The following SP1 variants were observed in gnomAD, a reference collection of about 807,000 sequenced individuals.
SP1 encodes the protein transcription factor Sp1.
A neutral mutation model predicts 66.3 loss-of-function variants in SP1; 6 were observed. The observed-to-expected ratio is 0.09, with a 90% confidence interval of 0.05 to 0.18. The LOEUF is 0.18. Among genes scored for constraint, SP1 ranks in the 10% least tolerant of loss-of-function variants. The pLI is 1.00. For missense variants in SP1, 848 were observed against 964.5 expected (o/e 0.88, Z 1.60); for synonymous variants, 417 against 360.8 (o/e 1.16, Z -1.77).
chr12:53,390,688 A>G (rs1469727422), intron 3 of SP1, among the ~76,000 whole-genome samples: 1 of 152,176 alleles, frequency 6.6e-6, no homozygotes, highest in Non-Finnish European at 1.5e-5. Context: ...GTCTCAAAAA[A>G]AAAAAATCTA....
chr12:53,383,056 T>C lies in SP1; in HGVS notation c.1109T>C (p.Ile370Thr), dbSNP rs1253561273. The part of the protein sequence containing the change: ...SGLQGSDALN[I>T]QQNQTSGGSL... Reference sequence around the variant, plus strand: ...CTACAGGGGTCTGATGCTCTGAACATCCAGCAAAACCAGACATCTGGAGGC... The same window carrying C: ...CTACAGGGGTCTGATGCTCTGAACACCCAGCAAAACCAGACATCTGGAGGC... The change falls in exon 3 of 6, where the codon ATC (isoleucine) becomes ACC (threonine). Residue 370 changes from isoleucine to threonine, a missense_variant. Ile to Thr is a moderately conservative substitution (Grantham distance 89). Around this residue, in one of 7 missense-constraint regions of SP1, gnomAD observed 606 missense variants for 589.9 expected, o/e 1.03. Coordinates refer to ENST00000327443, the MANE Select transcript of SP1 (RefSeq NM_138473.3). 8 of 1,614,132 alleles carry C rather than the reference T, an allele frequency of 5.0e-6. No homozygotes were observed. Among genetic ancestry groups the C allele is most frequent in the Middle Eastern group, 3.3e-4 (2 of 6,062 alleles).
At chr12:53,386,359 C>T (rs966049943) in intron 3 of SP1, among the ~76,000 whole-genome samples, 1 of 151,622 alleles carries the variant, frequency 6.6e-6, no homozygotes, top group Non-Finnish European at 1.5e-5. Flanking sequence ...GAAAAACAGT[C>T]TGGGAAGAAT....
intron 3 of SP1, among the ~76,000 whole-genome samples, chr12:53,384,000 T>C (rs1938169232): frequency 1.3e-5 from 2 of 151,644 alleles, no homozygotes; most frequent in East Asian, 1.9e-4. Flanking sequence ...GACAGAGTCT[T>C]GCTCTGTCAT....
At chr12:53,391,045 C>G (rs1452833638) in intron 3 of SP1, among the ~76,000 whole-genome samples, 1 of 152,018 alleles carries the variant, frequency 6.6e-6, no homozygotes, top group Non-Finnish European at 1.5e-5. Context: ...TTATATCATG[C>G]TTTTTAAGTT....
At chr12:53,410,153 AAAAT>A (rs1938846099) in intron 5 of SP1, among the ~76,000 whole-genome samples, 1 of 151,882 alleles carries the variant, frequency 6.6e-6, no homozygotes, top group Non-Finnish European at 1.5e-5. Flanking sequence ...CTAAAATTAC[AAAAT>A]AGTCAAGCGT....
chr12:53,407,960 T>G (rs114075368), intron 4 of SP1, among the ~76,000 whole-genome samples: 24,852 of 134,842 alleles, frequency 0.18, 2,367 homozygotes, highest in African/African-American at 0.21. Flanking sequence ...TTAAGACAGA[T>G]CTTCATCCGG....
intron 4 of SP1, among the ~76,000 whole-genome samples, chr12:53,408,133 C>A (rs1249232487): frequency 4.2e-5 from 6 of 143,872 alleles, no homozygotes; most frequent in Admixed American, 6.8e-5. Context: ...GTAATCCCAG[C>A]TACTTGGGAG....
At chr12:53,405,341 G>A (rs1284786544) in intron 3 of SP1, among the ~76,000 whole-genome samples, 1 of 151,998 alleles carries the variant, frequency 6.6e-6, no homozygotes, top group Non-Finnish European at 1.5e-5. Context: ...TCAAAAAGTT[G>A]TATTAATTTA....
chr12:53,394,480 A>G (rs1376861097), intron 3 of SP1, among the ~76,000 whole-genome samples: 3 of 129,308 alleles, frequency 2.3e-5, no homozygotes, highest in African/African-American at 3.0e-5. Flanking sequence ...ATCAGGGCCT[A>G]CTGCAGCCCT....
At chr12:53,402,266 C>G (rs1329778137) in intron 3 of SP1, among the ~76,000 whole-genome samples, 1 of 149,662 alleles carries the variant, frequency 6.7e-6, no homozygotes, top group Non-Finnish European at 1.5e-5. Flanking sequence ...TCTTGTCGCC[C>G]AGGCTGGAGT....
At chr12:53,406,517 G>A in intron 3 of SP1, 68 bp from the exon 4 acceptor site, 3 of 1,286,812 alleles carry the variant, frequency 2.3e-6, no homozygotes, top group Non-Finnish European at 3.4e-6. Flanking sequence ...GTGACTGTAG[G>A]GTATCACTGA....
chr12:53,382,020 C>T, intron 2 of SP1, 90 bp from the exon 3 acceptor site: 1 of 1,301,942 alleles, frequency 7.7e-7, no homozygotes, highest in South Asian at 1.4e-5. Context: ...TCCTTGTCTG[C>T]ACTACGTTGC....
intron 3 of SP1, among the ~76,000 whole-genome samples, chr12:53,399,382 G>A (rs1938557316): frequency 6.6e-6 from 1 of 151,962 alleles, no homozygotes; most frequent in Admixed American, 6.6e-5. Context: ...CGCCCAGGCT[G>A]GAGTGCAGTG....
Position 53,381,794 on chromosome 12 carries a change from G to A in SP1, c.143G>A (p.Ser48Asn). 3.1e-6 allele frequency: 5 copies of A among 1,613,832 alleles called. No individual in the cohort carries two copies. The highest frequency in any genetic ancestry group is 1.3e-5 in the African/African-American group (1 of 75,024). ...ARSSSTGSSS[S>N]TGGGGQESQP... ...AGTAGCAGCACAGGCAGTAGCAGCA[G>A]CACTGGAGGAGGAGGGCAGGTAAGT... Residue 48 changes from serine to asparagine, a missense_variant, in exon 2 of 6, where the codon AGC (serine) becomes AAC (asparagine). Physicochemically the swap from Ser to Asn is conservative, Grantham distance 46 (BLOSUM62 1). Coordinates refer to ENST00000327443, the MANE Select transcript of SP1 (RefSeq NM_138473.3).
chr12:53,389,028 G>A (rs1938290296), intron 3 of SP1, among the ~76,000 whole-genome samples: 2 of 151,294 alleles, frequency 1.3e-5, no homozygotes, highest in African/African-American at 2.4e-5. Context: ...TTATTTTACT[G>A]TAAAATTTAA....
At chr12:53,396,021 G>A (rs955925845) in intron 3 of SP1, among the ~76,000 whole-genome samples, 3 of 152,118 alleles carry the variant, frequency 2.0e-5, no homozygotes, top group Non-Finnish European at 4.4e-5. Context: ...TCCAGAGGCT[G>A]AGGCGGGAGA....
intron 5 of SP1, 42 bp from the exon 6 acceptor site, chr12:53,410,885 T>C: frequency 6.7e-7 from 1 of 1,483,248 alleles, no homozygotes; most frequent in Admixed American, 1.8e-5. Context: ...GTAACCTCAC[T>C]TCCTAACATG....
chr12:53,383,244 G>A lies in SP1; in HGVS notation c.1297G>A (p.Glu433Lys). The change falls in exon 3 of 6, where the codon GAA becomes AAA. Residue 433 changes from glutamate to lysine, a missense_variant. Glu to Lys is a moderately conservative substitution (Grantham distance 56). Around this residue, in one of 7 missense-constraint regions of SP1, gnomAD observed 606 missense variants for 589.9 expected, o/e 1.03. Coordinates refer to ENST00000327443, the MANE Select transcript of SP1 (RefSeq NM_138473.3). ...CTTTACAACTCAAGCCATCTCCCAG[G>A]AAACCCTCCAGAACCTCCAGCTTCA... is the stretch of plus-strand genomic sequence containing the variant. ...QTFTTQAISQETLQNLQLQAV... is the reference protein window; with the variant it reads ...QTFTTQAISQKTLQNLQLQAV... 6.2e-7 allele frequency: 1 copy of A among 1,614,188 alleles called. No homozygotes were observed. The highest frequency in any genetic ancestry group is 8.5e-7 in the Non-Finnish European group (1 of 1,180,040).
chr12:53,410,269 C>T (rs774020994), intron 5 of SP1, among the ~76,000 whole-genome samples: 17 of 151,892 alleles, frequency 1.1e-4, no homozygotes, highest in Non-Finnish European at 2.2e-4. Flanking sequence ...TGTGCCACTG[C>T]ACTCCAGCCT....
Sources: allele counts gnomAD v4.1 joint callset (sites outside exome capture counted in the v4.1 genomes callset), GRCh38; gene constraint gnomAD v4.1.1; regional missense constraint gnomAD v4.1.1; transcripts MANE v1.5; gene names NCBI Gene and HGNC (gene_info 2026-07-23, HGNC 2026-07-21).